The following CHLSN variants were observed in gnomAD, a reference collection of about 807,000 sequenced individuals.
The protein encoded by CHLSN is protein cholesin.
chr7:1,136,669 ATAAC>A, the CHLSN span, among the ~76,000 whole-genome samples: 1 of 148,332 alleles, frequency 6.7e-6, no homozygotes, highest in Admixed American at 6.8e-5. Flanking sequence ...GTGTATATAT[ATAAC>A]TATATATATA....
the CHLSN span, chr7:988,580 C>G: frequency 3.8e-6 from 6 of 1,598,594 alleles, no homozygotes; most frequent in Non-Finnish European, 5.1e-6. Flanking sequence ...CCCCACCCCT[C>G]CCCTCCAGGA....
the CHLSN span, among the ~76,000 whole-genome samples, chr7:1,126,614 G>C: frequency 1.3e-5 from 2 of 152,090 alleles, no homozygotes; most frequent in South Asian, 2.1e-4. Context: ...CCAGGAGATG[G>C]AGGTTGCACT....
At chr7:1,092,673 C>T in the CHLSN span, 1 of 1,613,242 alleles carries the variant, frequency 6.2e-7, no homozygotes, top group Non-Finnish European at 8.5e-7. Flanking sequence ...CCGCCTTCTC[C>T]AACAGCTGCC....
the CHLSN span, among the ~76,000 whole-genome samples, chr7:1,053,920 C>T: frequency 6.6e-6 from 1 of 152,238 alleles, no homozygotes; most frequent in African/African-American, 2.4e-5. Flanking sequence ...ACTCTCAAAC[C>T]AGCTCCTGGA....
the CHLSN span, among the ~76,000 whole-genome samples, chr7:1,017,797 C>T: frequency 6.6e-6 from 1 of 152,204 alleles, no homozygotes; most frequent in African/African-American, 2.4e-5. Context: ...GGCTTCTCTG[C>T]CCCCGCCCCC....
chr7:1,070,893 TGCACACACATGCAC>T, the CHLSN span, among the ~76,000 whole-genome samples: 1 of 136,828 alleles, frequency 7.3e-6, no homozygotes, highest in East Asian at 2.2e-4. Flanking sequence ...TGCACACACG[TGCACACACATGCAC>T]GCACACACAC....
At chr7:1,070,260 G>A in the CHLSN span, among the ~76,000 whole-genome samples, 4 of 143,588 alleles carry the variant, frequency 2.8e-5, no homozygotes, top group Non-Finnish European at 6.3e-5. Flanking sequence ...GGGAGGTGGG[G>A]GGGGTCAGCC....
chr7:1,063,105 C>T, the CHLSN span, among the ~76,000 whole-genome samples: 2 of 152,158 alleles, frequency 1.3e-5, no homozygotes, highest in African/African-American at 4.8e-5. Flanking sequence ...CTTCTGGCAT[C>T]GCTCACAGAC....
At chr7:1,062,925 A>T in the CHLSN span, among the ~76,000 whole-genome samples, 1 of 151,990 alleles carries the variant, frequency 6.6e-6, no homozygotes, top group African/African-American at 2.4e-5. Flanking sequence ...AACCTCACCT[A>T]AACACCCTAT....
chr7:986,998 GAGCCCAGATCACCGGGGCA>G, the CHLSN span: 1 of 1,387,798 alleles, frequency 7.2e-7, no homozygotes, highest in African/African-American at 1.5e-5. Context: ...AGGGATGGCT[GAGCCCAGATCACCGGGGCA>G]TCCATAGTGG....
the CHLSN span, among the ~76,000 whole-genome samples, chr7:1,135,939 GTATATATAAATATATATAAA>G: frequency 2.8e-5 from 3 of 108,836 alleles, no homozygotes; most frequent in Non-Finnish European, 3.4e-5. Context: ...AAATATATAA[GTATATATAAATATATATAAA>G]TATATATAAG....
the CHLSN span, among the ~76,000 whole-genome samples, chr7:1,066,084 G>A: frequency 6.6e-6 from 1 of 152,204 alleles, no homozygotes; most frequent in African/African-American, 2.4e-5. Flanking sequence ...GACACGACTC[G>A]GTGAGTTCCC....
chr7:1,127,353 C>A, the CHLSN span: 1 of 1,608,252 alleles, frequency 6.2e-7, no homozygotes, highest in Non-Finnish European at 8.5e-7. Context: ...TTTTCTCTGT[C>A]ACTTCAGGAA....
chr7:1,085,478 G>A, the CHLSN span, among the ~76,000 whole-genome samples: 7 of 152,134 alleles, frequency 4.6e-5, no homozygotes, highest in African/African-American at 1.7e-4. Flanking sequence ...CATGAGACGG[G>A]GAGAAGGACA....
At chr7:989,225 C>T in the CHLSN span, 122 of 210,534 alleles carry the variant, frequency 5.8e-4, 2 homozygotes, top group South Asian at 0.015. Flanking sequence ...CCTCAGCGTG[C>T]GAGCCCTGCA....
At chr7:1,117,314 C>T in the CHLSN span, among the ~76,000 whole-genome samples, 3 of 83,692 alleles carry the variant, frequency 3.6e-5, no homozygotes, top group South Asian at 4.6e-4. Context: ...TACAGCTCTA[C>T]AGACCGGCTT....
the CHLSN span, chr7:983,344 C>T: frequency 1.3e-6 from 2 of 1,537,946 alleles, no homozygotes; most frequent in Non-Finnish European, 8.7e-7. Context: ...CGGGAACCTG[C>T]ACTTGCTGCG....
the CHLSN span, among the ~76,000 whole-genome samples, chr7:994,444 A>T: frequency 2.0e-5 from 3 of 151,772 alleles, no homozygotes; most frequent in African/African-American, 7.3e-5. Flanking sequence ...TACAGGCGTG[A>T]GCCACTAAAT....
At chr7:1,082,463 G>A in the CHLSN span, among the ~76,000 whole-genome samples, 1 of 152,248 alleles carries the variant, frequency 6.6e-6, no homozygotes, top group African/African-American at 2.4e-5. Flanking sequence ...AGCAGGGGAT[G>A]ATCCATCCCC....
Sources: allele counts gnomAD v4.1 joint callset (sites outside exome capture counted in the v4.1 genomes callset), GRCh38; gene constraint gnomAD v4.1.1; transcripts MANE v1.5; gene names NCBI Gene and HGNC (gene_info 2026-07-23, HGNC 2026-07-21).